Variants in CDC42SE2 observed in about 807,000 individuals in gnomAD.
The protein encoded by CDC42SE2 is CDC42 small effector protein 2.
A neutral mutation model predicts 11.5 loss-of-function variants in CDC42SE2; 3 were observed. That is an observed-to-expected ratio of 0.26 (90% confidence interval 0.12 to 0.67). The LOEUF (loss-of-function observed/expected upper bound fraction) is 0.67, where lower values mean the gene tolerates loss of function less well. Among genes scored for constraint, CDC42SE2 ranks in the 30% least tolerant of loss-of-function variants. CDC42SE2 has a pLI of 0.80. For missense variants in CDC42SE2, 82 were observed against 106.8 expected, an observed-to-expected ratio of 0.77 and a Z score of 1.02; for synonymous variants, 33 against 34.8, an observed-to-expected ratio of 0.95 and a Z score of 0.18.
chr5:131,267,336 C>T (rs1370413965), intron 1 of CDC42SE2, among the ~76,000 whole-genome samples: 2 of 151,704 alleles, frequency 1.3e-5, no homozygotes, highest in Non-Finnish European at 2.9e-5. Flanking sequence ...GGATTACAGG[C>T]GTGAGCCACC....
intron 2 of CDC42SE2, among the ~76,000 whole-genome samples, chr5:131,318,686 T>G (rs1758100112): frequency 6.6e-6 from 1 of 152,174 alleles, no homozygotes; most frequent in Non-Finnish European, 1.5e-5. Context: ...CCTCTAGACT[T>G]ACAGTTGCAT....
At chr5:131,228,142 G>A in the CDC42SE2 span, among the ~76,000 whole-genome samples, 7 of 152,194 alleles carry the variant, frequency 4.6e-5, no homozygotes, top group Admixed American at 2.0e-4. Flanking sequence ...GGGAGGTGGA[G>A]GTTGCAGTGA....
intron 2 of CDC42SE2, among the ~76,000 whole-genome samples, chr5:131,258,733 ACCTCGAATT>A (rs1173992939): frequency 6.6e-6 from 1 of 152,110 alleles, no homozygotes. Context: ...ACAGAGACCC[ACCTCGAATT>A]CCTTTCCCTT....
rs1750790557 is a variant in CDC42SE2 at position 131,394,418 on chromosome 5, A to G, written c.*3327A>G. The G allele has an allele frequency of 6.6e-6, 1 of 152,350 alleles. No individual in the cohort carries two copies. 9.4% of individuals were successfully genotyped at this position (152,350 alleles called of 1,614,324 possible). ...GCATTATCAGTGGGCCTTTAAAAAT[A>G]CTTCGTAAGTACATTAGCTTTCACT... On this transcript the variant is annotated 3_prime_UTR_variant, in exon 5 of 5. Transcript: ENST00000505065.
chr5:131,391,165 T>C lies in CDC42SE2; in HGVS notation c.*74T>C. The C allele has an allele frequency of 1.2e-6, 1 of 828,926 alleles. No individual in the cohort carries two copies. The highest frequency in any genetic ancestry group is 3.0e-5 in the East Asian group (1 of 32,876). 51.3% of individuals were successfully genotyped at this position (828,926 alleles called of 1,614,324 possible). On this transcript the variant is annotated 3_prime_UTR_variant, in exon 5 of 5. Coordinates refer to ENST00000505065, the MANE Select transcript of CDC42SE2 (RefSeq NM_001375635.1). ...CGGCCAGACATGGCCAGGCCAATAA[T>C]AGTAAATATATGTATATATATATAA...
rs142545526 is a variant in CDC42SE2, at chr5:131,323,461, A to G, written c.-286+7317A>G. On this transcript the variant is annotated intron_variant, in intron 2 of 4. Coordinates refer to ENST00000505065, the MANE Select transcript of CDC42SE2 (RefSeq NM_001375635.1). ...ATACAACTAGTAGCCACTTTTTAGAATTGTATCTGAATGTGCTTTGTTTCT... is the reference window on the plus strand; with the variant it reads ...ATACAACTAGTAGCCACTTTTTAGAGTTGTATCTGAATGTGCTTTGTTTCT... Among the ~76,000 whole-genome samples, 540 of 151,452 alleles carry G rather than the reference A, an allele frequency of 3.6e-3. 14 individuals carry two copies. The highest frequency in any genetic ancestry group is 0.023 in the East Asian group (117 of 5,156).
the CDC42SE2 span, among the ~76,000 whole-genome samples, chr5:131,239,791 T>C: frequency 1.3e-5 from 2 of 152,330 alleles, no homozygotes; most frequent in East Asian, 3.9e-4. Context: ...AGCTTAACTT[T>C]AAGTCTGGTT....
At chr5:131,244,625 C>T (rs982281838), upstream of CDC42SE2, among the ~76,000 whole-genome samples, 1 of 152,078 alleles carries the variant, frequency 6.6e-6, no homozygotes, top group Admixed American at 6.6e-5. Context: ...GCAAGAGAAT[C>T]GCTTGAACCC....
intron 1 of CDC42SE2, among the ~76,000 whole-genome samples, chr5:131,310,962 G>T (rs1427047082): frequency 6.6e-6 from 1 of 150,968 alleles, no homozygotes; most frequent in East Asian, 1.9e-4. Context: ...ATATTGTTAT[G>T]TGTGAATTTG....
chr5:131,323,547 GTTTTTTT>G (rs1171213231), intron 2 of CDC42SE2, among the ~76,000 whole-genome samples: 9 of 82,582 alleles, frequency 1.1e-4, no homozygotes, highest in East Asian at 4.4e-4. Flanking sequence ...TCTCTCTCTG[GTTTTTTT>G]TTTTTTTTTT....
chr5:131,365,296 A>G (rs1220483766), intron 3 of CDC42SE2, among the ~76,000 whole-genome samples: 2 of 149,108 alleles, frequency 1.3e-5, no homozygotes, highest in African/African-American at 2.4e-5. Context: ...CTCTGTCTCA[A>G]AAAAAAAAAA....
chr5:131,361,427 T>G (rs140620083), intron 3 of CDC42SE2, among the ~76,000 whole-genome samples: 123 of 152,294 alleles, frequency 8.1e-4, no homozygotes, highest in African/African-American at 2.8e-3. Flanking sequence ...GTGGCTCGCT[T>G]CTTCAGTGCC....
At chr5:131,278,935 C>A (rs1022072380) in intron 1 of CDC42SE2, among the ~76,000 whole-genome samples, 2 of 148,746 alleles carry the variant, frequency 1.3e-5, no homozygotes, top group Non-Finnish European at 3.0e-5. Context: ...CAGGTGTGCA[C>A]CACCACGCCC....
At chr5:131,268,992 G>A (rs967908759) in intron 1 of CDC42SE2, among the ~76,000 whole-genome samples, 2 of 151,726 alleles carry the variant, frequency 1.3e-5, no homozygotes, top group Non-Finnish European at 2.9e-5. Context: ...CTCGTGATCC[G>A]CCCACCTTGG....
At chr5:131,247,340 CG>C (rs1184298328) in intron 1 of CDC42SE2, among the ~76,000 whole-genome samples, 1 of 151,980 alleles carries the variant, frequency 6.6e-6, no homozygotes, top group Non-Finnish European at 1.5e-5. Context: ...GTAAAACAGC[CG>C]GGCGAGGTGG....
chr5:131,263,564 A>G (rs1180927893), upstream of CDC42SE2: 1 of 152,262 alleles, frequency 6.6e-6, no homozygotes, highest in Non-Finnish European at 1.5e-5. Flanking sequence ...ATGAAAAAGC[A>G]GTGGTCAGAG....
chr5:131,238,731 G>C, the CDC42SE2 span, among the ~76,000 whole-genome samples: 1 of 151,454 alleles, frequency 6.6e-6, no homozygotes. Flanking sequence ...CTAATAAGTA[G>C]CTCATTGAAT....
At chr5:131,238,171 G>A in the CDC42SE2 span, among the ~76,000 whole-genome samples, 2 of 151,744 alleles carry the variant, frequency 1.3e-5, no homozygotes, top group African/African-American at 2.4e-5. Context: ...GAGAGCACTA[G>A]GACGAATACC....
intron 2 of CDC42SE2, among the ~76,000 whole-genome samples, chr5:131,345,848 C>A (rs1349190117): frequency 2.0e-5 from 3 of 152,198 alleles, no homozygotes; most frequent in African/African-American, 7.2e-5. Context: ...CAATATTCAA[C>A]ATTCTTAAAG....
Sources: allele counts gnomAD v4.1 joint callset (sites outside exome capture counted in the v4.1 genomes callset), GRCh38; gene constraint gnomAD v4.1.1; transcripts MANE v1.5; gene names NCBI Gene and HGNC (gene_info 2026-07-23, HGNC 2026-07-21).